Variants in MGAT4C observed in about 807,000 individuals in gnomAD.
MGAT4C encodes the protein MGAT4 family member C.
Under a neutral mutation model 40.1 loss-of-function variants are expected in MGAT4C, and 19 were observed. That is an observed-to-expected ratio of 0.47 (90% CI 0.33 to 0.70). The LOEUF is 0.70. Ranked by LOEUF, MGAT4C falls within the 30% of genes least tolerant of loss-of-function variation. The pLI is 0.02. For synonymous variants in MGAT4C, 181 were observed against 187.1 expected (o/e 0.97, Z 0.27); for missense variants, 491 against 563.2 (o/e 0.87, Z 1.30).
At chr12:86,836,901 G>T (rs10858499) in intron 1 of MGAT4C, among the ~76,000 whole-genome samples, 17,434 of 151,804 alleles carry the variant, frequency 0.11, 1,207 homozygotes, top group Non-Finnish European at 0.15. Context: ...TTTCCTACTT[G>T]TGCCTCCTTT....
intron 1 of MGAT4C, among the ~76,000 whole-genome samples, chr12:86,732,977 A>G (rs183609716): frequency 6.6e-6 from 1 of 152,258 alleles, no homozygotes; most frequent in East Asian, 1.9e-4. Flanking sequence ...GTGAAAGTAC[A>G]GAGCAGAGAT....
At chr12:86,774,607 G>T (rs1201126441) in intron 1 of MGAT4C, among the ~76,000 whole-genome samples, 3 of 151,872 alleles carry the variant, frequency 2.0e-5, no homozygotes, top group Non-Finnish European at 4.4e-5. Flanking sequence ...AATCATGTTT[G>T]CATCAGTGCA....
chr12:86,405,674 A>G (rs933114733), intron 3 of MGAT4C, among the ~76,000 whole-genome samples: 2 of 151,732 alleles, frequency 1.3e-5, no homozygotes, highest in African/African-American at 4.8e-5. Context: ...AAAAGAATAA[A>G]CAAATAGGTA....
chr12:86,492,510 A>T (rs1302229953), intron 2 of MGAT4C, among the ~76,000 whole-genome samples: 1 of 152,186 alleles, frequency 6.6e-6, no homozygotes, highest in Non-Finnish European at 1.5e-5. Context: ...CAGCTATCTG[A>T]TCTTTGACAA....
At position 86,178,136 on chromosome 12, in the gene MGAT4C, C is replaced by A. The variant is rs189753311; in HGVS notation, c.-57+78103G>T. ...TATTTTTGGTAGAGACAGGGTTTCA[C>A]CGTGTTAGCCAGGATGGTCTTGATC... is the stretch of plus-strand genomic sequence containing the variant. On this transcript the variant is annotated intron_variant, in intron 1 of 4. Coordinates refer to ENST00000611864, the MANE Select transcript of MGAT4C (RefSeq NM_001351288.2). Among the ~76,000 whole-genome samples the A allele has an allele frequency of 4.3e-3, 652 of 152,228 alleles. 7 individuals carry two copies. Among genetic ancestry groups the A allele is most frequent in the Admixed American group, 6.8e-3 (104 of 15,278 alleles).
At chr12:86,327,750 T>C (rs575157894) in intron 4 of MGAT4C, among the ~76,000 whole-genome samples, 1 of 152,280 alleles carries the variant, frequency 6.6e-6, no homozygotes, top group African/African-American at 2.4e-5. Flanking sequence ...ACAGGAGTTC[T>C]TGGTTTTCAA....
chr12:86,163,976 A>G (rs180683428), intron 1 of MGAT4C, among the ~76,000 whole-genome samples: 37 of 152,330 alleles, frequency 2.4e-4, no homozygotes, highest in Admixed American at 2.3e-3. Flanking sequence ...GTAGTTTTAT[A>G]TATTTACATA....
At chr12:86,446,658 CATATATATAT>C (rs34157468) in intron 2 of MGAT4C, among the ~76,000 whole-genome samples, 141 of 35,322 alleles carry the variant, frequency 4.0e-3, no homozygotes, top group African/African-American at 7.3e-3. Context: ...TCATGTAACT[CATATATATAT>C]ATATATATAT....
chr12:86,491,288 C>CA (rs1248072104), intron 2 of MGAT4C, among the ~76,000 whole-genome samples: 1 of 152,148 alleles, frequency 6.6e-6, no homozygotes, highest in Non-Finnish European at 1.5e-5. Flanking sequence ...ATCCCTAACT[C>CA]ATTTTATGAG....
intron 1 of MGAT4C, among the ~76,000 whole-genome samples, chr12:86,731,636 C>T (rs926268030): frequency 6.6e-6 from 1 of 151,472 alleles, no homozygotes; most frequent in Non-Finnish European, 1.5e-5. Flanking sequence ...CACTTTGTTT[C>T]CTTAGGTGTT....
upstream of MGAT4C, chr12:86,838,895 C>A (rs1953094309): frequency 6.6e-6 from 1 of 152,168 alleles, no homozygotes; most frequent in South Asian, 2.1e-4. Flanking sequence ...GTGCATAGAG[C>A]AGTGAAGATG....
chr12:86,036,892 G>T (rs1891291557), intron 2 of MGAT4C, among the ~76,000 whole-genome samples: 1 of 149,762 alleles, frequency 6.7e-6, no homozygotes, highest in Admixed American at 6.7e-5. Context: ...TTGTACCTCT[G>T]GTAGAATTTG....
At chr12:86,286,826 A>G (rs1953363462) in intron 4 of MGAT4C, among the ~76,000 whole-genome samples, 1 of 151,186 alleles carries the variant, frequency 6.6e-6, no homozygotes. Context: ...CTTGTAAGTG[A>G]GAACATGTGG....
At position 86,667,552 on chromosome 12, in the gene MGAT4C, T is replaced by C. The variant is rs563449963; in HGVS notation, c.-229+59657A>G. ...GTTTCATAAGCCATTCAGTCTCTGT[T>C]ACTATTAAACATAATGGCAAAAACC... On this transcript the variant is annotated intron_variant, in intron 2 of 7. Coordinates refer to the MGAT4C transcript ENST00000548651. 2.0e-5 allele frequency among the ~76,000 whole-genome samples: 3 copies of C among 152,314 alleles called. No homozygotes were observed. In the South Asian group the frequency reaches 6.2e-4, roughly 32 times the overall value.
chr12:86,526,258 C>T (rs922402909), intron 2 of MGAT4C, among the ~76,000 whole-genome samples: 6 of 152,016 alleles, frequency 3.9e-5, no homozygotes, highest in African/African-American at 1.4e-4. Flanking sequence ...TCTGTGCCCA[C>T]CAAGGTTCCA....
chr12:86,201,826 C>G (rs541864827), intron 1 of MGAT4C, among the ~76,000 whole-genome samples: 1 of 152,110 alleles, frequency 6.6e-6, no homozygotes, highest in South Asian at 2.1e-4. Flanking sequence ...TACCATTTCT[C>G]CCAGAAATGG....
intron 1 of MGAT4C, among the ~76,000 whole-genome samples, chr12:86,152,761 T>C (rs529103416): frequency 7.9e-5 from 12 of 152,332 alleles, no homozygotes; most frequent in Middle Eastern, 3.4e-3. Context: ...GAGTATGTAG[T>C]TCTAGCCAAG....
intron 2 of MGAT4C, among the ~76,000 whole-genome samples, chr12:86,690,658 G>C (rs1950156969): frequency 6.6e-6 from 1 of 152,124 alleles, no homozygotes; most frequent in Admixed American, 6.5e-5. Flanking sequence ...CCAGTGAGAT[G>C]AGCCGGGTAC....
At chr12:86,131,481 A>G (rs1310394440) in intron 1 of MGAT4C, among the ~76,000 whole-genome samples, 2 of 152,106 alleles carry the variant, frequency 1.3e-5, no homozygotes, top group African/African-American at 2.4e-5. Flanking sequence ...CACATGATCT[A>G]CAAAGGGGTA....
Sources: allele counts gnomAD v4.1 joint callset (sites outside exome capture counted in the v4.1 genomes callset), GRCh38; gene constraint gnomAD v4.1.1; transcripts MANE v1.5; gene names NCBI Gene and HGNC (gene_info 2026-07-23, HGNC 2026-07-21).